C2CD5: variants seen among roughly 807,000 people sequenced by gnomAD.
The protein encoded by C2CD5 is C2 domain-containing protein 5.
C2CD5 carries 109 observed loss-of-function variants against 130.3 expected under a neutral mutation model. That is an observed-to-expected ratio of 0.84 (90% confidence interval 0.72 to 0.98). C2CD5 has a LOEUF of 0.98. Ranked by LOEUF, C2CD5 falls within the 50% of genes least tolerant of loss-of-function variation. The pLI is 0.00. For missense variants in C2CD5, 996 were observed against 1,261.8 expected (o/e 0.79, Z 3.19); for synonymous variants, 454 against 429.2 (o/e 1.06, Z -0.71).
intron 15 of C2CD5, 81 bp downstream of exon 15, chr12:22,478,232 T>A (rs1175072448): frequency 8.6e-7 from 1 of 1,161,360 alleles, no homozygotes; most frequent in Non-Finnish European, 1.3e-6. Flanking sequence ...AAAAAAAATC[T>A]TGTGTCCTCA....
chr12:22,489,141 G>C (rs1946006663), intron 12 of C2CD5, among the ~76,000 whole-genome samples: 1 of 151,848 alleles, frequency 6.6e-6, no homozygotes, highest in South Asian at 2.1e-4. Context: ...CTCACAAAGT[G>C]CTAGGATTAC....
chr12:22,512,231 A>AAAG (rs1565763321), intron 9 of C2CD5, among the ~76,000 whole-genome samples: 1 of 152,226 alleles, frequency 6.6e-6, no homozygotes. Flanking sequence ...TAAGGAGGGA[A>AAAG]AAGTCTAGAA....
intron 2 of C2CD5, among the ~76,000 whole-genome samples, chr12:22,540,940 G>A (rs1352605979): frequency 6.6e-6 from 1 of 152,072 alleles, no homozygotes; most frequent in Non-Finnish European, 1.5e-5. Flanking sequence ...TTAATTGTAA[G>A]GATATATTAA....
chr12:22,496,823 T>G (rs990168815), intron 10 of C2CD5, among the ~76,000 whole-genome samples: 1 of 152,030 alleles, frequency 6.6e-6, no homozygotes, highest in Admixed American at 6.6e-5. Flanking sequence ...AACTGAGCAC[T>G]AAATCAATCC....
chr12:22,459,321 T>A (rs1259520623), intron 23 of C2CD5, among the ~76,000 whole-genome samples, 171 bp downstream of exon 23: 1 of 152,018 alleles, frequency 6.6e-6, no homozygotes, highest in Non-Finnish European at 1.5e-5. Flanking sequence ...TAAATATTAG[T>A]TTAATTGATG....
intron 26 of C2CD5, among the ~76,000 whole-genome samples, chr12:22,452,688 T>C (rs1938961402): frequency 6.6e-6 from 1 of 152,208 alleles, no homozygotes; most frequent in Admixed American, 6.5e-5. Context: ...TACAAAAATG[T>C]ATAAACTATC....
At chr12:22,478,143 G>C in intron 15 of C2CD5, 170 bp downstream of exon 15, 2 of 608,648 alleles carry the variant, frequency 3.3e-6, no homozygotes, top group South Asian at 3.9e-5. Context: ...GTTAGAGTAG[G>C]CTTACCCGAA....
At chr12:22,461,121 T>C (rs1245158128) in intron 22 of C2CD5, among the ~76,000 whole-genome samples, 1 of 152,110 alleles carries the variant, frequency 6.6e-6, no homozygotes, top group Non-Finnish European at 1.5e-5. Context: ...AGCACAGACC[T>C]GACATTCAGA....
intron 13 of C2CD5, among the ~76,000 whole-genome samples, chr12:22,483,124 C>T (rs1243210968): frequency 6.6e-6 from 1 of 151,942 alleles, no homozygotes; most frequent in East Asian, 1.9e-4. Flanking sequence ...GTATTACATG[C>T]CTGTATCAAA....
At chr12:22,512,554 T>A (rs1949301273) in intron 9 of C2CD5, 7 of 938,282 alleles carry the variant, frequency 7.5e-6, no homozygotes, top group Non-Finnish European at 1.1e-5. Context: ...TGTCAACATT[T>A]GCTAAGATTA....
intron 7 of C2CD5, among the ~76,000 whole-genome samples, chr12:22,520,681 A>G (rs927323328): frequency 1.5e-4 from 23 of 152,158 alleles, no homozygotes; most frequent in African/African-American, 5.5e-4. Context: ...TGCTATATTT[A>G]TTATAATCAG....
At chr12:22,482,527 T>C (rs747684728) in intron 14 of C2CD5, 30 bp downstream of exon 14, 1 of 1,588,970 alleles carries the variant, frequency 6.3e-7, no homozygotes, top group Non-Finnish European at 8.6e-7. Flanking sequence ...AAGGAAATCA[T>C]AAAACAAAAC....
At chr12:22,527,033 A>G (rs2137080430) in intron 4 of C2CD5, among the ~76,000 whole-genome samples, 1 of 152,324 alleles carries the variant, frequency 6.6e-6, no homozygotes, top group African/African-American at 2.4e-5. Context: ...TGTGCCTGCA[A>G]TGGCATGTGC....
rs543188972 is a variant in C2CD5, at chr12:22,488,869, T to G, written c.1358+1254A>C. Among the ~76,000 whole-genome samples the G allele has an allele frequency of 7.3e-4, 111 of 151,430 alleles. 1 individual carries two copies. Among genetic ancestry groups the G allele is most frequent in the African/African-American group, 2.3e-3 (96 of 41,362 alleles). On this transcript the variant is annotated intron_variant, in intron 12 of 26. Coordinates refer to ENST00000446597, the MANE Select transcript of C2CD5 (RefSeq NM_001286176.2). ...ACTAAACTTGACAAGATACAGAATT[T>G]TTTTGCTTTTTTTTTTTTTTTAAAT...
At chr12:22,460,052 G>T (rs1239220130) in intron 22 of C2CD5, among the ~76,000 whole-genome samples, 1 of 152,154 alleles carries the variant, frequency 6.6e-6, no homozygotes, top group African/African-American at 2.4e-5. Flanking sequence ...CGAAGACTTC[G>T]ATATCAACAG....
chr12:22,467,560 C>T (rs535403861), intron 22 of C2CD5, among the ~76,000 whole-genome samples: 26 of 152,082 alleles, frequency 1.7e-4, no homozygotes, highest in Non-Finnish European at 2.9e-4. Flanking sequence ...AGAAACCCAA[C>T]GAATTTTAAA....
chr12:22,489,929 T>C lies in C2CD5; in HGVS notation c.1358+194A>G, dbSNP rs372194045. On this transcript the variant is annotated intron_variant, in intron 12 of 26. Coordinates refer to ENST00000446597, the MANE Select transcript of C2CD5 (RefSeq NM_001286176.2). ...TCAAGACACTAGAAACAATAATGTG[T>C]GCCATATAGTGCAGAATCCAATACT... Among the ~76,000 whole-genome samples, 55 of 152,226 alleles carry C rather than the reference T, an allele frequency of 3.6e-4. 1 individual carries two copies. In the South Asian group the frequency reaches 0.011, roughly 31 times the overall value.
intron 2 of C2CD5, 84 bp from the exon 3 acceptor site, chr12:22,535,428 G>A (rs867932217): frequency 8.3e-6 from 6 of 727,022 alleles, no homozygotes; most frequent in Non-Finnish European, 1.5e-5. Context: ...ACCAATAGAA[G>A]GATAAACCAT....
chr12:22,476,633 G>A (rs1343072514), intron 15 of C2CD5, among the ~76,000 whole-genome samples: 1 of 151,998 alleles, frequency 6.6e-6, no homozygotes, highest in Non-Finnish European at 1.5e-5. Context: ...TTACATTATA[G>A]TAAAGGAAGA....
Sources: gnomAD v4.1 joint callset for allele counts (sites outside exome capture counted in the v4.1 genomes callset) on GRCh38, gnomAD v4.1.1 for gene constraint, MANE v1.5 for transcripts, NCBI Gene and HGNC (gene_info 2026-07-23, HGNC 2026-07-21) for gene names.